GGH: variants seen among roughly 807,000 people sequenced by gnomAD.
GGH encodes the protein gamma-glutamyl hydrolase.
Under a neutral mutation model 39.2 loss-of-function variants are expected in GGH, and 18 were observed. The ratio of observed to expected loss-of-function variants is 0.46; its 90% CI spans 0.32 to 0.68. The LOEUF (loss-of-function observed/expected upper bound fraction) is 0.68. Among genes scored for constraint, GGH ranks in the 30% least tolerant of loss-of-function variants. The probability of loss-of-function intolerance (pLI) is 0.04; values close to 1 mark genes in which losing one functional copy is unlikely to be tolerated. For synonymous variants in GGH, 147 were observed against 138.8 expected, an observed-to-expected ratio of 1.06 and a Z score of -0.42; for missense variants, 367 against 384.1, an observed-to-expected ratio of 0.96 and a Z score of 0.37.
rs1804777172 is a variant in GGH, at chr8:63,030,163, T to G, written c.275+4A>C. 1 of 1,348,196 alleles carries G rather than the reference T, an allele frequency of 7.4e-7. No homozygotes were observed. Among genetic ancestry groups the G allele is most frequent in the African/African-American group, 1.4e-5 (1 of 70,206 alleles). 83.5% of individuals were successfully genotyped at this position (1,348,196 alleles called of 1,614,324 possible). A position where few individuals can be genotyped will look rare whatever the true frequency, so the allele number is the denominator to read the frequency against. ...ACCGTATGAAACCAATGCTGCCAAC[T>G]TACCCATTAATAGATTTGAAAAGTA... is the stretch of plus-strand genomic sequence containing the variant. On this transcript the variant is annotated splice_donor_region_variant and intron_variant, in intron 3 of 8. Transcript: ENST00000260118.
intron 2 of GGH, among the ~76,000 whole-genome samples, chr8:63,034,539 C>T (rs1162385772): frequency 6.6e-6 from 1 of 152,132 alleles, no homozygotes; most frequent in Non-Finnish European, 1.5e-5. Flanking sequence ...TTCTAAAATA[C>T]ATTAATTTTA....
At chr8:63,027,770 C>T (rs991064422) in intron 3 of GGH, among the ~76,000 whole-genome samples, 10 of 151,990 alleles carry the variant, frequency 6.6e-5, no homozygotes, top group Non-Finnish European at 1.0e-4. Flanking sequence ...CTTATCACCC[C>T]GAGTCTCTTC....
chr8:63,032,780 A>G (rs1223457374), intron 2 of GGH, among the ~76,000 whole-genome samples: 1 of 152,224 alleles, frequency 6.6e-6, no homozygotes, highest in Non-Finnish European at 1.5e-5. Flanking sequence ...TGAGAACCCA[A>G]TTTGGAAATA....
intron 2 of GGH, among the ~76,000 whole-genome samples, chr8:63,033,983 T>TTATA (rs10671033): frequency 0.017 from 2,365 of 143,172 alleles, 47 homozygotes; most frequent in African/African-American, 0.042. Context: ...TTGTCTCTCC[T>TTATA]TATATATATA....
At chr8:63,028,358 T>C (rs1804735702) in intron 3 of GGH, 1 of 152,118 alleles carries the variant, frequency 6.6e-6, no homozygotes, top group Non-Finnish European at 1.5e-5. Flanking sequence ...GTCTCCAGCT[T>C]ACAGACATTA....
chr8:63,018,456 A>T (rs931558023), intron 7 of GGH, among the ~76,000 whole-genome samples: 3 of 152,218 alleles, frequency 2.0e-5, no homozygotes, highest in African/African-American at 7.2e-5. Context: ...AATGAAGTGA[A>T]TTAATGAAAG....
rs769516189 is a variant in GGH, at chr8:63,017,569, C to G, written c.759G>C (p.Lys253Asn). 1 of 1,607,676 alleles carries G rather than the reference C, an allele frequency of 6.2e-7. No individual in the cohort carries two copies. Among genetic ancestry groups the G allele is most frequent in the Non-Finnish European group, 8.5e-7 (1 of 1,174,204 alleles). ...WHPEKAPYEWKNLDGISHAPN... is the reference protein window; with the variant it reads ...WHPEKAPYEWNNLDGISHAPN... ...GTGCATGGGAAATGCCATCCAAATT[C>G]TTCCACTCATAAGGTGCTTTCTCTG... is the stretch of plus-strand genomic sequence containing the variant. The change falls in exon 8 of 9, where the codon AAG becomes AAC. Residue 253 changes from lysine to asparagine, a missense_variant. Transcript: ENST00000260118.
intron 2 of GGH, among the ~76,000 whole-genome samples, chr8:63,033,613 CATTT>C (rs1804844976): frequency 1.3e-5 from 2 of 149,720 alleles, no homozygotes; most frequent in Non-Finnish European, 3.0e-5. Flanking sequence ...GATTTTACTT[CATTT>C]ATTTTTTATA....
intron 2 of GGH, among the ~76,000 whole-genome samples, chr8:63,033,016 C>T (rs1028818482): frequency 6.6e-6 from 1 of 152,228 alleles, no homozygotes; most frequent in Non-Finnish European, 1.5e-5. Flanking sequence ...ACACTTCACA[C>T]CTAGACTACT....
intron 1 of GGH, among the ~76,000 whole-genome samples, chr8:63,036,325 C>T (rs1396263343): frequency 6.6e-6 from 1 of 152,206 alleles, no homozygotes; most frequent in Non-Finnish European, 1.5e-5. Context: ...CGGATCATAT[C>T]ACCATTCCTA....
At chr8:63,031,309 G>A (rs988874049) in intron 2 of GGH, among the ~76,000 whole-genome samples, 4 of 152,162 alleles carry the variant, frequency 2.6e-5, no homozygotes, top group African/African-American at 9.7e-5. Context: ...ATCTCTTCCT[G>A]GCGAGAGCCA....
intron 2 of GGH, among the ~76,000 whole-genome samples, chr8:63,030,789 AC>A (rs372069545): frequency 9.9e-4 from 150 of 152,194 alleles, no homozygotes; most frequent in African/African-American, 3.4e-3. Context: ...GAACAGCCTA[AC>A]TGCCCAGGTA....
chr8:63,019,413 A>G (rs1804546203), intron 7 of GGH, among the ~76,000 whole-genome samples: 1 of 152,218 alleles, frequency 6.6e-6, no homozygotes. Context: ...AGACAAGAGA[A>G]GAGCTTTCAA....
intron 7 of GGH, among the ~76,000 whole-genome samples, chr8:63,018,368 TA>T (rs148625779): frequency 6.6e-6 from 1 of 151,878 alleles, no homozygotes; most frequent in East Asian, 1.9e-4. Context: ...CATTTTGATT[TA>T]AAAAAAACAA....
intron 2 of GGH, among the ~76,000 whole-genome samples, chr8:63,032,404 C>G (rs1032933166): frequency 1.3e-5 from 2 of 152,120 alleles, no homozygotes; most frequent in African/African-American, 4.8e-5. Context: ...TCCATGGGCT[C>G]CTGTATGCTA....
In GGH at chr8:63,031,704, C is replaced by A. The variant is rs181492181; in HGVS notation, c.225-1487G>T. Among the ~76,000 whole-genome samples, 269 of 152,296 alleles carry A rather than the reference C, an allele frequency of 1.8e-3. 1 individual carries two copies. The highest frequency in any genetic ancestry group is 6.0e-3 in the African/African-American group (251 of 41,554). ...GTCCCCATTTATCTCTATTAAGAGACCTAATTGTCACAGGGGAAGGAGTGT... is the reference window on the plus strand; with the variant it reads ...GTCCCCATTTATCTCTATTAAGAGAACTAATTGTCACAGGGGAAGGAGTGT... On this transcript the variant is annotated intron_variant, in intron 2 of 8. Coordinates refer to ENST00000260118, the MANE Select transcript of GGH (RefSeq NM_003878.3).
In GGH at chr8:63,020,285, A is replaced by G. The variant is rs367759355; in HGVS notation, c.698-2655T>C. ...GTTCCTATTTTGGAGGTGGGAGAAA[A>G]TTTTCAAATGAGCCTGGTATGGCAT... On this transcript the variant is annotated intron_variant, in intron 7 of 8. Transcript: ENST00000260118. Among the ~76,000 whole-genome samples, 9 of 152,252 alleles carry G rather than the reference A, an allele frequency of 5.9e-5. No individual in the cohort carries two copies. In the East Asian group the frequency reaches 7.7e-4, roughly 13 times the overall value.
At chr8:63,036,811 C>T (rs1396851534) in intron 1 of GGH, among the ~76,000 whole-genome samples, 3 of 152,218 alleles carry the variant, frequency 2.0e-5, no homozygotes, top group Non-Finnish European at 4.4e-5. Context: ...TGAGTGAAAG[C>T]AGAAAGCAAT....
chr8:63,027,196 A>G lies in GGH; in HGVS notation c.345T>C (p.Tyr115=). The G allele has an allele frequency of 1.4e-6, 2 of 1,472,192 alleles. No individual in the cohort carries two copies. The highest frequency in any genetic ancestry group is 1.9e-6 in the Non-Finnish European group (2 of 1,050,822). 91.2% of individuals were successfully genotyped at this position (1,472,192 alleles called of 1,614,324 possible). A position where few individuals can be genotyped will look rare whatever the true frequency, so the allele number is the denominator to read the frequency against. Reference sequence around the variant, plus strand: ...TGATATTTACCTGTATGGACAAGTTATAAAATATTTTGGCCACTTTAGCAT... The same window carrying G: ...TGATATTTACCTGTATGGACAAGTTGTAAAATATTTTGGCCACTTTAGCAT... ...SDYAKVAKIF[Y]NLSIQSFDDG... is the part of the protein sequence containing the mutation. Residue 115 remains tyrosine, a synonymous_variant, in exon 4 of 9, where the codon TAT becomes TAC. Transcript: ENST00000260118.
Sources: gnomAD v4.1 joint callset for allele counts (sites outside exome capture counted in the v4.1 genomes callset) on GRCh38, gnomAD v4.1.1 for gene constraint, MANE v1.5 for transcripts, NCBI Gene and HGNC (gene_info 2026-07-23, HGNC 2026-07-21) for gene names.